The following TBCD variants were observed in gnomAD, a reference collection of about 807,000 sequenced individuals.
TBCD encodes the protein tubulin-specific chaperone D.
A neutral mutation model predicts 169.3 loss-of-function variants in TBCD; 105 were observed. The observed-to-expected ratio is 0.62, with a 90% CI of 0.53 to 0.73. The LOEUF (loss-of-function observed/expected upper bound fraction) is 0.73. TBCD is among the 30% of genes least tolerant of loss of function. The pLI, the probability that TBCD is intolerant of heterozygous loss-of-function variation, is 0.00. For synonymous variants in TBCD, 700 were observed against 643.9 expected, an observed-to-expected ratio of 1.09 and a Z score of -1.32; for missense variants, 1,444 against 1,600.1, an observed-to-expected ratio of 0.90 and a Z score of 1.66.
intron 17 of TBCD, among the ~76,000 whole-genome samples, chr17:82,897,904 G>A (rs954702539): frequency 6.6e-6 from 1 of 151,874 alleles, no homozygotes; most frequent in African/African-American, 2.4e-5. Context: ...GTTCTCCCCG[G>A]CTGGTTTTCT....
chr17:82,930,756 C>T lies in TBCD; in HGVS notation c.3113+113C>T, dbSNP rs2062128236. Reference sequence around the variant, plus strand: ...TCTGTCTGGGGTCTGAAGGGAGAAGCGAGACACACGCTGTACCAGTTGGTG... The same window carrying T: ...TCTGTCTGGGGTCTGAAGGGAGAAGTGAGACACACGCTGTACCAGTTGGTG... On this transcript the variant is annotated intron_variant, in intron 33 of 38. Coordinates refer to ENST00000355528, the MANE Select transcript of TBCD (RefSeq NM_005993.5). This position sits in a 1 kb window ranked among gnomAD's most constrained non-coding sequence, Gnocchi z 5.2. 9.4e-6 allele frequency: 14 copies of T among 1,493,138 alleles called. No individual in the cohort carries two copies. Among genetic ancestry groups the T allele is most frequent in the South Asian group, 2.5e-5 (2 of 80,074 alleles). The allele number at this position is 1,493,138 out of a possible 1,614,324, so 92.5% of individuals were successfully genotyped here.
intron 30 of TBCD, 55 bp from the exon 31 acceptor site, chr17:82,929,058 G>A (rs1377646596): frequency 2.2e-5 from 34 of 1,575,272 alleles, no homozygotes; most frequent in Admixed American, 3.4e-5. Context: ...TCAGTTTACC[G>A]CCCGCTCTTA....
At chr17:82,805,326 G>T (rs2050878615) in intron 9 of TBCD, among the ~76,000 whole-genome samples, 1 of 152,210 alleles carries the variant, frequency 6.6e-6, no homozygotes, top group African/African-American at 2.4e-5. Context: ...TGTGCCATGG[G>T]CCCCTTCATG....
chr17:82,896,843 C>T (rs938224950), intron 17 of TBCD, among the ~76,000 whole-genome samples: 22 of 152,128 alleles, frequency 1.4e-4, no homozygotes, highest in Admixed American at 9.2e-4. Context: ...GCTCGGGGTC[C>T]GGGATCTGGG....
chr17:82,887,177 G>GCA (rs1567961812), intron 15 of TBCD, among the ~76,000 whole-genome samples: 2 of 69,948 alleles, frequency 2.9e-5, no homozygotes, highest in East Asian at 6.2e-4. Flanking sequence ...GTGCGCGCGC[G>GCA]CGCACGTGCG....
intron 23 of TBCD, among the ~76,000 whole-genome samples, chr17:82,914,338 C>T (rs368142015): frequency 6.6e-6 from 1 of 152,298 alleles, no homozygotes; most frequent in East Asian, 1.9e-4. Flanking sequence ...AGCTTTCCCA[C>T]CCTGCCCTCT....
At position 82,761,492 on chromosome 17, in the gene TBCD, C is replaced by T. The variant is rs150295952; in HGVS notation, c.236-2473C>T. On this transcript the variant is annotated intron_variant, in intron 2 of 38. Coordinates refer to ENST00000355528, the MANE Select transcript of TBCD (RefSeq NM_005993.5). Reference sequence around the variant, plus strand: ...AAGATATGGAACATTTCTGTCATCCCAAGGAGTTACTTGATGTCCTTTTGC... The same window carrying T: ...AAGATATGGAACATTTCTGTCATCCTAAGGAGTTACTTGATGTCCTTTTGC... 3.0e-3 allele frequency among the ~76,000 whole-genome samples: 460 copies of T among 152,216 alleles called. 1 individual carries two copies. Among genetic ancestry groups the T allele is most frequent in the African/African-American group, 0.01 (433 of 41,538 alleles).
chr17:82,779,453 T>C (rs1453263082), intron 6 of TBCD, among the ~76,000 whole-genome samples: 1 of 152,202 alleles, frequency 6.6e-6, no homozygotes, highest in Non-Finnish European at 1.5e-5. Context: ...AATAGGGACT[T>C]CTTTCCCCAT....
At chr17:82,820,123 G>A (rs1005987528) in intron 13 of TBCD, among the ~76,000 whole-genome samples, 13 of 151,928 alleles carry the variant, frequency 8.6e-5, no homozygotes, top group South Asian at 2.1e-4. Context: ...GGAGTCAGGC[G>A]CCCGCCACCA....
Position 82,933,306 on chromosome 17 carries a change from G to A in TBCD, c.3191+571G>A, listed in dbSNP as rs1450577648. ...TTTTTTTTTTTTGAGACAGGGTCTA[G>A]CTCTGTTTCCCAGGCTGGAGTGCAG... On this transcript the variant is annotated intron_variant, in intron 34 of 38. Coordinates refer to ENST00000355528, the MANE Select transcript of TBCD (RefSeq NM_005993.5). Among the ~76,000 whole-genome samples the A allele has an allele frequency of 5.9e-5, 8 of 135,114 alleles. No homozygotes were observed. The East Asian group carries it at 1.6e-3, about 27-fold the overall frequency. The allele number at this position is 135,114 out of a possible 152,430, so 88.6% of individuals were successfully genotyped here. A position where few individuals can be genotyped will look rare whatever the true frequency, so the allele number is the denominator to read the frequency against.
chr17:82,871,783 G>A (rs2057580716), intron 14 of TBCD, among the ~76,000 whole-genome samples: 1 of 152,322 alleles, frequency 6.6e-6, no homozygotes, highest in South Asian at 2.1e-4. Context: ...GGCCAGCGTT[G>A]GCCTGGGGCC....
intron 13 of TBCD, among the ~76,000 whole-genome samples, chr17:82,823,971 C>G (rs942772859): frequency 1.3e-5 from 2 of 151,912 alleles, no homozygotes; most frequent in African/African-American, 4.8e-5. Flanking sequence ...AGTCTACTTT[C>G]TGCTTGAAAA....
At chr17:82,845,662 TTCCGCAGCAGCATCCTC>T (rs1479280097) in intron 13 of TBCD, among the ~76,000 whole-genome samples, 4 of 151,478 alleles carry the variant, frequency 2.6e-5, no homozygotes, top group Non-Finnish European at 5.9e-5. Flanking sequence ...CCCCGGTCCC[TTCCGCAGCAGCATCCTC>T]TCCAGTGCAC....
At chr17:82,846,323 C>T (rs1206716938) in intron 13 of TBCD, among the ~76,000 whole-genome samples, 5 of 150,900 alleles carry the variant, frequency 3.3e-5, no homozygotes, top group Non-Finnish European at 5.9e-5. Context: ...GTCCAGCGTG[C>T]CGTGTCCTCT....
chr17:82,887,177 G>GCGCGCGCGCGCT (rs2058809783), intron 15 of TBCD, among the ~76,000 whole-genome samples: 1 of 69,948 alleles, frequency 1.4e-5, no homozygotes, highest in Non-Finnish European at 2.7e-5. Context: ...GTGCGCGCGC[G>GCGCGCGCGCGCT]CGCACGTGCG....
At chr17:82,810,131 G>A (rs1010630413) in intron 12 of TBCD, among the ~76,000 whole-genome samples, 4 of 152,198 alleles carry the variant, frequency 2.6e-5, no homozygotes, top group Non-Finnish European at 2.9e-5. Flanking sequence ...TTAGCCACGT[G>A]TATCACTCAG....
At chr17:82,855,261 T>TTTTTTTTTTTTTTTTTTTTG (rs2056169095) in intron 13 of TBCD, among the ~76,000 whole-genome samples, 1 of 88,970 alleles carries the variant, frequency 1.1e-5, no homozygotes, top group Non-Finnish European at 2.5e-5. Context: ...TTTTTTTTTT[T>TTTTTTTTTTTTTTTTTTTTG]TTTTTTTTTT....
chr17:82,872,783 A>G (rs1239228300), intron 14 of TBCD, among the ~76,000 whole-genome samples: 1 of 152,274 alleles, frequency 6.6e-6, no homozygotes, highest in East Asian at 1.9e-4. Context: ...TGAGGAAGTC[A>G]GGACAGCACT....
At chr17:82,761,684 G>T (rs2047762352) in intron 2 of TBCD, among the ~76,000 whole-genome samples, 1 of 150,008 alleles carries the variant, frequency 6.7e-6, no homozygotes, top group Non-Finnish European at 1.5e-5. Flanking sequence ...TAGTTTGTAC[G>T]TTTTCTCTCG....
Sources: allele counts gnomAD v4.1 joint callset (sites outside exome capture counted in the v4.1 genomes callset), GRCh38; gene constraint gnomAD v4.1.1; non-coding constraint Gnocchi (gnomAD v3.1); transcripts MANE v1.5; gene names NCBI Gene and HGNC (gene_info 2026-07-23, HGNC 2026-07-21).